Variants in LEPROTL1 observed in about 807,000 individuals in gnomAD.
LEPROTL1 encodes the protein leptin receptor overlapping transcript-like 1.
LEPROTL1 carries 6 observed loss-of-function variants against 15.4 expected under a neutral mutation model. The observed-to-expected ratio is 0.39, with a 90% CI of 0.21 to 0.77. The LOEUF (loss-of-function observed/expected upper bound fraction) is 0.77, where lower values mean the gene tolerates loss of function less well. LEPROTL1 is among the 30% of genes least tolerant of loss of function. The pLI is 0.41. For synonymous variants in LEPROTL1, 56 were observed against 52.6 expected, an observed-to-expected ratio of 1.06 and a Z score of -0.28; for missense variants, 128 against 158.1, an observed-to-expected ratio of 0.81 and a Z score of 1.02.
intron 2 of LEPROTL1, among the ~76,000 whole-genome samples, chr8:30,102,652 C>CAAAA (rs199960893): frequency 2.0e-5 from 2 of 101,126 alleles, no homozygotes; most frequent in African/African-American, 7.4e-5. Context: ...ACTCTGTTTC[C>CAAAA]AAAAAAAAAA....
chr8:30,124,616 C>CAAA (rs1223612763), intron 3 of LEPROTL1, among the ~76,000 whole-genome samples: 4 of 152,114 alleles, frequency 2.6e-5, no homozygotes, highest in African/African-American at 9.7e-5. Flanking sequence ...CTATAATATT[C>CAAA]TTTCAAAGTC....
intron 3 of LEPROTL1, among the ~76,000 whole-genome samples, chr8:30,122,711 C>G (rs1212433054): frequency 6.6e-6 from 1 of 152,104 alleles, no homozygotes; most frequent in Non-Finnish European, 1.5e-5. Flanking sequence ...AGGAGAATCC[C>G]TTGAACCTAG....
chr8:30,105,503 C>G (rs1266308805), intron 3 of LEPROTL1, among the ~76,000 whole-genome samples: 2 of 148,810 alleles, frequency 1.3e-5, no homozygotes, highest in Non-Finnish European at 1.5e-5. Flanking sequence ...TATAAAAGTA[C>G]CACTTTTATA....
At chr8:30,102,002 T>C in intron 2 of LEPROTL1, 29 bp downstream of exon 2, 1 of 1,434,510 alleles carries the variant, frequency 7.0e-7, no homozygotes, top group Non-Finnish European at 9.6e-7. Context: ...TTTCTGAATA[T>C]TTAAGGGTAA....
intron 3 of LEPROTL1, among the ~76,000 whole-genome samples, chr8:30,123,330 A>G (rs529562767): frequency 6.6e-6 from 1 of 152,356 alleles, no homozygotes; most frequent in South Asian, 2.1e-4. Flanking sequence ...AGACCATTCA[A>G]TGGGAAGAGT....
Position 30,105,925 on chromosome 8 carries a change from A to T in LEPROTL1, c.*63A>T. On this transcript the variant is annotated 3_prime_UTR_variant, in exon 4 of 4. Transcript: ENST00000321250. ...TCATTTGTTGGCCATTCACGCACAC[A>T]GGAGATGGGGCAGTTAATGCTGAAT... 2 of 1,418,872 alleles carry T rather than the reference A, an allele frequency of 1.4e-6. No individual in the cohort carries two copies. Among genetic ancestry groups the T allele is most frequent in the Non-Finnish European group, 1.9e-6 (2 of 1,077,120 alleles). 87.9% of individuals were successfully genotyped at this position (1,418,872 alleles called of 1,614,324 possible).
At chr8:30,105,674 G>C (rs981081867) in intron 3 of LEPROTL1, 72 bp from the exon 4 acceptor site, 8 of 1,322,834 alleles carry the variant, frequency 6.0e-6, no homozygotes, top group African/African-American at 3.0e-5. Flanking sequence ...GATACAACTA[G>C]AGCCTTGATT....
At chr8:30,113,267 CTG>C (rs1400552395), downstream of LEPROTL1, among the ~76,000 whole-genome samples, 2 of 151,902 alleles carry the variant, frequency 1.3e-5, no homozygotes, top group African/African-American at 2.4e-5. Flanking sequence ...CAGAGCAAGA[CTG>C]TCACAAAAAC....
Position 30,100,849 on chromosome 8 carries a change from C to CTGTGTGTGTGTGTGTGTG in LEPROTL1, c.17-1047_17-1030dup, listed in dbSNP as rs113757454. On this transcript the variant is annotated intron_variant, in intron 1 of 3. Transcript: ENST00000321250. ...CGTGAGAGCACCTTAAAATGTACTG[C>CTGTGTGTGTGTGTGTGTG]TGTGTGTGTGTGTGTGTGTCTGTGT... Among the ~76,000 whole-genome samples the CTGTGTGTGTGTGTGTGTG allele has an allele frequency of 3.7e-3, 556 of 150,842 alleles. 8 individuals carry two copies. In the East Asian group the frequency reaches 0.059, roughly 16 times the overall value.
Position 30,095,461 on chromosome 8 carries a change from C to T in LEPROTL1, c.-52C>T. ...AGCGCGTCTTGGGTCTCCCGGCTGC[C>T]GCTGCTGCCGCCGCCGCCTCGGGTC... is the stretch of plus-strand genomic sequence containing the variant. On this transcript the variant is annotated 5_prime_UTR_variant, in exon 1 of 4. Transcript: ENST00000321250. The T allele has an allele frequency of 6.8e-7, 1 of 1,463,230 alleles. No individual in the cohort carries two copies. The highest frequency in any genetic ancestry group is 1.5e-5 in the African/African-American group (1 of 68,142). 90.6% of individuals were successfully genotyped at this position (1,463,230 alleles called of 1,614,324 possible).
chr8:30,102,402 G>A (rs555146567), intron 2 of LEPROTL1, among the ~76,000 whole-genome samples: 12 of 152,154 alleles, frequency 7.9e-5, no homozygotes, highest in African/African-American at 2.9e-4. Flanking sequence ...TGTAATCCCA[G>A]CATTTTGGGA....
In LEPROTL1 at chr8:30,107,435, A is replaced by T. The variant is rs1802586115; in HGVS notation, c.*1573A>T. The T allele has an allele frequency of 1.0e-6, 1 of 985,746 alleles. No homozygotes were observed. The highest frequency in any genetic ancestry group is 1.2e-6 in the Non-Finnish European group (1 of 829,926). 61.1% of individuals were successfully genotyped at this position (985,746 alleles called of 1,614,324 possible). On this transcript the variant is annotated 3_prime_UTR_variant, in exon 4 of 4. Transcript: ENST00000321250. ...ATTATTTCGCCATCAGCCAAAACTCAGTAATCATGACAGCTGTCTGTTGTT... is the reference window on the plus strand; with the variant it reads ...ATTATTTCGCCATCAGCCAAAACTCTGTAATCATGACAGCTGTCTGTTGTT...
rs1185445445 is a variant in LEPROTL1 at position 30,108,441 on chromosome 8, A to G, written c.*2579A>G. On this transcript the variant is annotated 3_prime_UTR_variant, in exon 4 of 4. Coordinates refer to ENST00000321250, the MANE Select transcript of LEPROTL1 (RefSeq NM_015344.3). Reference sequence around the variant, plus strand: ...ATTTATTACCACTCATTATTATAGCATGTTACTTTTTGCAAACATTTTAAA... The same window carrying G: ...ATTTATTACCACTCATTATTATAGCGTGTTACTTTTTGCAAACATTTTAAA... 1 of 152,192 alleles carries G rather than the reference A, an allele frequency of 6.6e-6. No homozygotes were observed. 9.4% of individuals were successfully genotyped at this position (152,192 alleles called of 1,614,324 possible). A position where few individuals can be genotyped will look rare whatever the true frequency, so the allele number is the denominator to read the frequency against.
chr8:30,118,018 T>TGGTC (rs145213637), intron 3 of LEPROTL1, among the ~76,000 whole-genome samples: 28 of 89,902 alleles, frequency 3.1e-4, no homozygotes, highest in African/African-American at 9.7e-4. Flanking sequence ...TTTTTTGATT[T>TGGTC]GTTTTTTTTT....
At chr8:30,098,750 G>A (rs1398266730) in intron 1 of LEPROTL1, among the ~76,000 whole-genome samples, 1 of 152,158 alleles carries the variant, frequency 6.6e-6, no homozygotes, top group East Asian at 1.9e-4. Flanking sequence ...CTTCCACTCT[G>A]CTACATTCAT....
chr8:30,137,552 G>C, exon 5 of LEPROTL1: 1 of 1,275,100 alleles, frequency 7.8e-7, no homozygotes, highest in Non-Finnish European at 1.1e-6. Context: ...ACACGTGGCA[G>C]TGATGATTAG....
At chr8:30,113,120 A>T (rs1802679174), downstream of LEPROTL1, among the ~76,000 whole-genome samples, 1 of 151,360 alleles carries the variant, frequency 6.6e-6, no homozygotes. Flanking sequence ...AAAAAAAAAA[A>T]AAAAAATTAG....
intron 3 of LEPROTL1, among the ~76,000 whole-genome samples, chr8:30,114,647 T>A (rs1802708443): frequency 6.6e-6 from 1 of 152,186 alleles, no homozygotes; most frequent in African/African-American, 2.4e-5. Context: ...TGGACATTTA[T>A]TCGAGTTGGA....
At chr8:30,097,478 C>A (rs1802385545) in intron 1 of LEPROTL1, among the ~76,000 whole-genome samples, 1 of 151,746 alleles carries the variant, frequency 6.6e-6, no homozygotes, top group African/African-American at 2.4e-5. Context: ...CAAGACCAAC[C>A]TGTCCAAGAT....
Sources: allele counts gnomAD v4.1 joint callset (sites outside exome capture counted in the v4.1 genomes callset), GRCh38; gene constraint gnomAD v4.1.1; transcripts MANE v1.5; gene names NCBI Gene and HGNC (gene_info 2026-07-23, HGNC 2026-07-21).